Variants in LUZP2 observed in about 807,000 individuals in gnomAD.
LUZP2 encodes the protein leucine zipper protein 2.
A neutral mutation model predicts 51.6 loss-of-function variants in LUZP2; 52 were observed. That is an observed-to-expected ratio of 1.01 (90% CI 0.81 to 1.27). The LOEUF is 1.27. LUZP2 is among the 50% of genes most tolerant of loss of function. LUZP2 has a pLI of 0.00. For synonymous variants in LUZP2, 154 were observed against 137.3 expected (o/e 1.12, Z -0.85); for missense variants, 436 against 395.4 (o/e 1.10, Z -0.87).
chr11:24,973,297 C>T (rs958230878), intron 7 of LUZP2, among the ~76,000 whole-genome samples: 1 of 143,944 alleles, frequency 6.9e-6, no homozygotes, highest in African/African-American at 2.5e-5. Context: ...TCTCCATGAT[C>T]CCATTTCTAT....
rs546681631 is a variant in LUZP2 at position 24,665,575 on chromosome 11, G to A, written c.63-63594G>A. Among the ~76,000 whole-genome samples the A allele has an allele frequency of 1.4e-4, 21 of 152,206 alleles. No homozygotes were observed. In the South Asian group the frequency reaches 4.4e-3, roughly 32 times the overall value. ...GTTCTCATAATCCCCAAATGTCATG[G>A]GAGGGACCTGGTAATTGAATCATGG... is the stretch of plus-strand genomic sequence containing the variant. On this transcript the variant is annotated intron_variant, in intron 1 of 11. Transcript: ENST00000336930.
chr11:24,744,858 T>C (rs941675772), intron 4 of LUZP2, among the ~76,000 whole-genome samples: 3 of 152,162 alleles, frequency 2.0e-5, no homozygotes, highest in African/African-American at 7.2e-5. Context: ...CTATGAACTT[T>C]CCTCATAGCA....
intron 5 of LUZP2, among the ~76,000 whole-genome samples, chr11:24,897,587 C>T (rs577408330): frequency 6.6e-6 from 1 of 152,186 alleles, no homozygotes; most frequent in South Asian, 2.1e-4. Context: ...AGACCAGGAA[C>T]CCACCAGAAG....
intron 9 of LUZP2, among the ~76,000 whole-genome samples, chr11:25,041,169 A>G (rs938183690): frequency 3.9e-5 from 6 of 152,122 alleles, no homozygotes; most frequent in African/African-American, 4.8e-5. Flanking sequence ...GATATTTTCC[A>G]AGACCTTGAC....
chr11:24,835,939 T>G (rs1240597838), intron 5 of LUZP2, among the ~76,000 whole-genome samples: 1 of 151,950 alleles, frequency 6.6e-6, no homozygotes, highest in Non-Finnish European at 1.5e-5. Context: ...TCGTAAAAAA[T>G]TTGCTGCAAA....
At chr11:24,515,345 T>A (rs1370709887) in intron 1 of LUZP2, among the ~76,000 whole-genome samples, 2 of 149,802 alleles carry the variant, frequency 1.3e-5, no homozygotes, top group African/African-American at 5.0e-5. Context: ...CATCTGTAAA[T>A]GACACTTTTT....
intron 1 of LUZP2, among the ~76,000 whole-genome samples, chr11:24,573,785 A>G (rs182198920): frequency 5.9e-5 from 9 of 152,166 alleles, no homozygotes; most frequent in Admixed American, 5.9e-4. Flanking sequence ...GAAACTTTAA[A>G]AAGCACACAG....
chr11:24,561,467 T>A (rs1250046886), intron 1 of LUZP2, among the ~76,000 whole-genome samples: 1 of 152,144 alleles, frequency 6.6e-6, no homozygotes, highest in Non-Finnish European at 1.5e-5. Flanking sequence ...ATTCAAACTC[T>A]GCTCCTTTTC....
chr11:24,766,390 C>A (rs1187741037), intron 5 of LUZP2, among the ~76,000 whole-genome samples: 1 of 152,030 alleles, frequency 6.6e-6, no homozygotes, highest in Non-Finnish European at 1.5e-5. Context: ...TTGAAGCATT[C>A]AGGCAAAAGA....
At chr11:25,019,533 G>A (rs542700157) in intron 9 of LUZP2, among the ~76,000 whole-genome samples, 1 of 151,914 alleles carries the variant, frequency 6.6e-6, no homozygotes, top group Non-Finnish European at 1.5e-5. Flanking sequence ...AGCATGGTTT[G>A]GTTGATTTAA....
chr11:24,882,527 A>C (rs187912468), intron 5 of LUZP2, among the ~76,000 whole-genome samples: 160 of 152,168 alleles, frequency 1.1e-3, no homozygotes, highest in African/African-American at 3.8e-3. Context: ...GTTTAGATTA[A>C]TGTATAATGA....
intron 7 of LUZP2, among the ~76,000 whole-genome samples, chr11:24,967,651 C>T (rs191638524): frequency 2.1e-4 from 32 of 151,714 alleles, no homozygotes; most frequent in Admixed American, 5.9e-4. Context: ...CTTTTTCTGC[C>T]ATCTTCATTT....
At chr11:24,497,704 T>C (rs1241524798) in intron 1 of LUZP2, among the ~76,000 whole-genome samples, 1 of 152,160 alleles carries the variant, frequency 6.6e-6, no homozygotes, top group Non-Finnish European at 1.5e-5. Context: ...ACCATAGAGC[T>C]TCTCCCTTCC....
intron 5 of LUZP2, among the ~76,000 whole-genome samples, chr11:24,800,784 A>T (rs1326724694): frequency 6.6e-6 from 1 of 152,144 alleles, no homozygotes; most frequent in African/African-American, 2.4e-5. Context: ...CATAAGAAAG[A>T]TAAACGAACT....
intron 5 of LUZP2, among the ~76,000 whole-genome samples, chr11:24,866,890 G>C (rs536161783): frequency 8.0e-4 from 122 of 152,222 alleles, no homozygotes; most frequent in African/African-American, 2.8e-3. Context: ...GAGAGCCACC[G>C]TAACAGGAGT....
At chr11:24,834,582 T>A (rs1850802247) in intron 5 of LUZP2, among the ~76,000 whole-genome samples, 1 of 152,244 alleles carries the variant, frequency 6.6e-6, no homozygotes, top group Non-Finnish European at 1.5e-5. Context: ...TATAGTAGAA[T>A]GATTTATAAT....
chr11:24,809,270 T>G (rs1002433896), intron 5 of LUZP2, among the ~76,000 whole-genome samples: 2 of 152,166 alleles, frequency 1.3e-5, no homozygotes, highest in African/African-American at 2.4e-5. Flanking sequence ...TTGAGTAATT[T>G]TATTAATCTC....
intron 1 of LUZP2, among the ~76,000 whole-genome samples, chr11:24,695,028 G>C (rs999267489): frequency 6.6e-6 from 1 of 151,804 alleles, no homozygotes; most frequent in African/African-American, 2.4e-5. Flanking sequence ...AACCACCATG[G>C]TACATGTATA....
chr11:24,504,653 G>C (rs1335652379), intron 1 of LUZP2, among the ~76,000 whole-genome samples: 3 of 152,034 alleles, frequency 2.0e-5, no homozygotes, highest in Non-Finnish European at 4.4e-5. Context: ...TAGATATGAT[G>C]ATTTAATATG....
Sources: gnomAD v4.1 joint callset for allele counts (sites outside exome capture counted in the v4.1 genomes callset) on GRCh38, gnomAD v4.1.1 for gene constraint, MANE v1.5 for transcripts, NCBI Gene and HGNC (gene_info 2026-07-23, HGNC 2026-07-21) for gene names.